Variants in RMC1 observed in about 807,000 individuals in gnomAD.
RMC1 encodes the protein regulator of MON1-CCZ1 complex.
In RMC1, 44 loss-of-function variants were observed where a neutral mutation model predicts 95.5. The ratio of observed to expected loss-of-function variants is 0.46; its 90% CI spans 0.36 to 0.59. The LOEUF is 0.59. Among genes scored for constraint, RMC1 ranks in the 20% least tolerant of loss-of-function variants. The pLI is 0.00. For missense variants in RMC1, 705 were observed against 819.6 expected (o/e 0.86, Z 1.71); for synonymous variants, 320 against 303.6 (o/e 1.05, Z -0.56).
At chr18:23,506,938 T>G (rs1420921167) in intron 2 of RMC1, 32 bp from the exon 3 acceptor site, 1 of 1,477,658 alleles carries the variant, frequency 6.8e-7, no homozygotes, top group Non-Finnish European at 9.4e-7. Flanking sequence ...AATTCGGTTA[T>G]TTAACTACTA....
chr18:23,529,712 G>T lies in RMC1; in HGVS notation c.1494G>T (p.Gln498His), dbSNP rs868790540. 1 of 1,611,782 alleles carries T rather than the reference G, an allele frequency of 6.2e-7. No individual in the cohort carries two copies. The highest frequency in any genetic ancestry group is 8.5e-7 in the Non-Finnish European group (1 of 1,178,270). Residue 498 changes from glutamine to histidine, a missense_variant and splice_region_variant, in exon 16 of 20, where the codon CAG becomes CAT. By Grantham distance (24) the Gln-to-His change is conservative. Transcript: ENST00000269221. ...TTAACCAGTTTCAGATTGCAGTACA[G>T]GTACCTTCAAATCATCTGGGCCCAA... ...RSLNQFQIAV[Q>H]HYLHELVIKT... is the part of the protein sequence containing the mutation.
rs747075380 is a variant in RMC1 at position 23,520,187 on chromosome 18, C to CT, written c.850-10dup. On this transcript the variant is annotated splice_polypyrimidine_tract_variant and intron_variant, in intron 9 of 19. Transcript: ENST00000269221. The stretch of plus-strand genomic sequence containing the variant: ...TGATTGATTTTGGCCTCAGTCTTGT[C>CT]TTTTTCCCCCCCAGACATCGGTAAT... The CT allele has an allele frequency of 5.0e-6, 8 of 1,606,310 alleles. No individual in the cohort carries two copies. The highest frequency in any genetic ancestry group is 1.6e-4 in the Middle Eastern group (1 of 6,070).
At chr18:23,504,347 A>AATT in intron 1 of RMC1, 24 bp from the exon 2 acceptor site, 1 of 1,611,512 alleles carries the variant, frequency 6.2e-7, no homozygotes, top group Non-Finnish European at 8.5e-7. Context: ...TCAGGCTGTT[A>AATT]ACCTTGCTGC....
rs1339613327 is a variant in RMC1 at position 23,527,908 on chromosome 18, T to C, written c.1296+7T>C. ...CGAGCAGAGTTATGCGATGGTGAGTTACATGGAGTATGACAAAGGGTCCTC... is the reference window on the plus strand; with the variant it reads ...CGAGCAGAGTTATGCGATGGTGAGTCACATGGAGTATGACAAAGGGTCCTC... On this transcript the variant is annotated splice_region_variant and intron_variant, in intron 14 of 19. Transcript: ENST00000269221. 1 of 1,608,588 alleles carries C rather than the reference T, an allele frequency of 6.2e-7. No homozygotes were observed. The highest frequency in any genetic ancestry group is 1.3e-5 in the African/African-American group (1 of 74,792).
chr18:23,505,697 A>T (rs1177150525), intron 2 of RMC1, among the ~76,000 whole-genome samples: 1 of 152,176 alleles, frequency 6.6e-6, no homozygotes, highest in Non-Finnish European at 1.5e-5. Context: ...GGTGAAGAGC[A>T]GCGCTCTGGT....
intron 15 of RMC1, 51 bp from the exon 16 acceptor site, chr18:23,529,584 C>T: frequency 6.7e-7 from 1 of 1,485,436 alleles, no homozygotes; most frequent in East Asian, 2.3e-5. Context: ...TTATATGCAG[C>T]CTCTTTTGCA....
chr18:23,526,101 G>T (rs550878761), intron 12 of RMC1, among the ~76,000 whole-genome samples: 1 of 152,292 alleles, frequency 6.6e-6, no homozygotes, highest in Non-Finnish European at 1.5e-5. Context: ...TCATTCTCCT[G>T]TGGCATCCCA....
At chr18:23,518,439 A>C (rs1370193921) in intron 7 of RMC1, among the ~76,000 whole-genome samples, 1 of 152,122 alleles carries the variant, frequency 6.6e-6, no homozygotes, top group Non-Finnish European at 1.5e-5. Flanking sequence ...GGTTGCAGTG[A>C]GCTGTGGTTG....
intron 10 of RMC1, 58 bp downstream of exon 10, chr18:23,520,371 C>A: frequency 7.3e-7 from 1 of 1,363,376 alleles, no homozygotes; most frequent in Non-Finnish European, 1.0e-6. Flanking sequence ...GCTGTGTTCT[C>A]ACCATGATCT....
chr18:23,520,472 G>A (rs1219930569), intron 10 of RMC1, among the ~76,000 whole-genome samples, 159 bp downstream of exon 10: 1 of 152,072 alleles, frequency 6.6e-6, no homozygotes, highest in Non-Finnish European at 1.5e-5. Flanking sequence ...CAGTTTTGTT[G>A]TTGTTTTGAG....
Position 23,530,489 on chromosome 18 carries a change from A to G in RMC1, c.1771A>G (p.Ile591Val). ...FIRGIGGHDNISARKFLDAAK... is the reference protein window; with the variant it reads ...FIRGIGGHDNVSARKFLDAAK... Reference sequence around the variant, plus strand: ...CCGGGGCATTGGTGGCCATGACAACATTTCTGCACGAAAATTTTTAGATGC... The same window carrying G: ...CCGGGGCATTGGTGGCCATGACAACGTTTCTGCACGAAAATTTTTAGATGC... The change falls in exon 19 of 20, where the codon ATT (isoleucine) becomes GTT (valine). Residue 591 changes from isoleucine (I) to valine (V), a missense_variant. Transcript: ENST00000269221. 2 of 1,614,260 alleles carry G rather than the reference A, an allele frequency of 1.2e-6. No individual in the cohort carries two copies. The highest frequency in any genetic ancestry group is 2.2e-5 in the East Asian group (1 of 44,892).
At chr18:23,529,829 T>C in intron 16 of RMC1, 117 bp downstream of exon 16, 2 of 1,136,808 alleles carry the variant, frequency 1.8e-6, no homozygotes, top group East Asian at 2.3e-5. Flanking sequence ...TGACTCAGAA[T>C]GCTGAGTGAC....
rs116801320 is a variant in RMC1, at chr18:23,527,408, T to A, written c.1190-387T>A. 9.6e-3 allele frequency among the ~76,000 whole-genome samples: 1,442 copies of A among 150,840 alleles called. 25 individuals are homozygous for A. Among genetic ancestry groups the A allele is most frequent in the African/African-American group, 0.03 (1,252 of 41,088 alleles). ...GCAAGACCCTGTATCCAAAAAAAAA[T>A]AATAATAATAATCCCCTACCAATAT... On this transcript the variant is annotated intron_variant, in intron 13 of 19. Transcript: ENST00000269221.
intron 10 of RMC1, among the ~76,000 whole-genome samples, chr18:23,521,766 G>A (rs913084747): frequency 2.0e-5 from 3 of 150,436 alleles, no homozygotes; most frequent in Admixed American, 6.6e-5. Context: ...AGATCAAGAT[G>A]TCTGCAGGTT....
intron 9 of RMC1, among the ~76,000 whole-genome samples, chr18:23,519,794 T>C (rs982684857): frequency 6.6e-6 from 1 of 152,140 alleles, no homozygotes; most frequent in Non-Finnish European, 1.5e-5. Context: ...GGGATAATGG[T>C]TTTGAGGCCG....
chr18:23,516,849 C>A (rs1426112654), intron 7 of RMC1, among the ~76,000 whole-genome samples: 1 of 151,810 alleles, frequency 6.6e-6, no homozygotes, highest in Non-Finnish European at 1.5e-5. Flanking sequence ...CTTCAGCCTC[C>A]CAAGTAGCTG....
At chr18:23,503,759 C>G (rs748473747) in intron 1 of RMC1, 39 bp downstream of exon 1, 3 of 1,559,214 alleles carry the variant, frequency 1.9e-6, no homozygotes, top group Non-Finnish European at 2.6e-6. Context: ...CGCGGCCCTG[C>G]CGGGGTCGTG....
intron 15 of RMC1, 54 bp downstream of exon 15, chr18:23,529,352 T>C: frequency 6.4e-7 from 1 of 1,567,308 alleles, no homozygotes; most frequent in Non-Finnish European, 8.6e-7. Flanking sequence ...AACAAGGAAG[T>C]TGCTGAAAAC....
At chr18:23,507,088 G>T in intron 3 of RMC1, 34 bp downstream of exon 3, 6 of 1,396,552 alleles carry the variant, frequency 4.3e-6, no homozygotes, top group Non-Finnish European at 6.0e-6. Context: ...GCATTAAAGG[G>T]CATTAGAAAT....
Sources: allele counts gnomAD v4.1 joint callset (sites outside exome capture counted in the v4.1 genomes callset), GRCh38; gene constraint gnomAD v4.1.1; transcripts MANE v1.5; gene names NCBI Gene and HGNC (gene_info 2026-07-23, HGNC 2026-07-21).